Variants in ELMO1 observed in about 807,000 individuals in gnomAD.
ELMO1 encodes the protein engulfment and cell motility protein 1.
Under a neutral mutation model 98.9 loss-of-function variants are expected in ELMO1, and 26 were observed. That is an observed-to-expected ratio of 0.26 (90% CI 0.19 to 0.36). ELMO1 has a LOEUF of 0.36. Among genes scored for constraint, ELMO1 ranks in the 10% least tolerant of loss-of-function variants. The probability of loss-of-function intolerance (pLI) is 1.00; values close to 1 mark genes in which losing one functional copy is unlikely to be tolerated. For missense variants in ELMO1, 627 were observed against 935.2 expected, an observed-to-expected ratio of 0.67 and a Z score of 4.30; for synonymous variants, 346 against 346.0, an observed-to-expected ratio of 1.00 and a Z score of 0.00.
intron 9 of ELMO1, 72 bp downstream of exon 9, chr7:37,224,807 C>T (rs961415822): frequency 1.1e-5 from 17 of 1,564,194 alleles, no homozygotes; most frequent in African/African-American, 4.1e-5. Context: ...CAACATAAAA[C>T]GTTTCCCAGT....
intron 16 of ELMO1, among the ~76,000 whole-genome samples, chr7:36,984,226 C>T (rs376573217): frequency 6.6e-6 from 1 of 152,194 alleles, no homozygotes; most frequent in Non-Finnish European, 1.5e-5. Flanking sequence ...AACATGCACA[C>T]AAGCTCTTCC....
At chr7:37,014,420 CTCTT>C (rs1303056235) in intron 15 of ELMO1, among the ~76,000 whole-genome samples, 2 of 152,048 alleles carry the variant, frequency 1.3e-5, no homozygotes, top group South Asian at 2.1e-4. Context: ...TATTTGGAAT[CTCTT>C]TTTTTAAAAA....
At chr7:37,031,775 G>A (rs1481476976) in intron 15 of ELMO1, among the ~76,000 whole-genome samples, 2 of 152,192 alleles carry the variant, frequency 1.3e-5, no homozygotes, top group Non-Finnish European at 2.9e-5. Flanking sequence ...CTTACCCAAT[G>A]GAGCCGAGTT....
intron 14 of ELMO1, among the ~76,000 whole-genome samples, chr7:37,103,525 G>T (rs1446116257): frequency 1.7e-5 from 2 of 117,392 alleles, no homozygotes; most frequent in African/African-American, 6.4e-5. Flanking sequence ...GTTGTGGGGT[G>T]GGGGGAGGGG....
At chr7:37,142,473 G>C (rs1787705227) in intron 13 of ELMO1, among the ~76,000 whole-genome samples, 1 of 152,200 alleles carries the variant, frequency 6.6e-6, no homozygotes, top group South Asian at 2.1e-4. Flanking sequence ...GCTCAGATGA[G>C]TTTGGAAGCT....
intron 13 of ELMO1, among the ~76,000 whole-genome samples, chr7:37,167,358 T>C (rs1389739886): frequency 6.6e-6 from 1 of 152,098 alleles, no homozygotes; most frequent in Non-Finnish European, 1.5e-5. Flanking sequence ...AATAGTGTTA[T>C]GTGTGAATTT....
intron 8 of ELMO1, among the ~76,000 whole-genome samples, chr7:37,229,503 G>GA (rs1236704404): frequency 2.0e-5 from 3 of 151,694 alleles, no homozygotes; most frequent in South Asian, 2.1e-4. Context: ...GGCTGGCAGG[G>GA]AAAAAAAATA....
intron 13 of ELMO1, among the ~76,000 whole-genome samples, chr7:37,192,345 A>C (rs565332372): frequency 6.6e-6 from 1 of 151,810 alleles, no homozygotes; most frequent in South Asian, 2.1e-4. Context: ...AAATACAAAA[A>C]TTCGCTGGAT....
intron 13 of ELMO1, among the ~76,000 whole-genome samples, chr7:37,155,345 T>G (rs1425221095): frequency 6.6e-6 from 1 of 152,022 alleles, no homozygotes; most frequent in Non-Finnish European, 1.5e-5. Context: ...CTAAACGCCC[T>G]AATTAAAAGA....
chr7:37,188,559 T>C (rs1401192379), intron 13 of ELMO1, among the ~76,000 whole-genome samples: 2 of 149,498 alleles, frequency 1.3e-5, no homozygotes, highest in African/African-American at 2.5e-5. Flanking sequence ...AATAGGGAGA[T>C]AGGAAATGTG....
At chr7:37,198,464 A>T (rs1402418121) in intron 13 of ELMO1, among the ~76,000 whole-genome samples, 1 of 152,248 alleles carries the variant, frequency 6.6e-6, no homozygotes, top group East Asian at 1.9e-4. Context: ...TGTCCATAAC[A>T]AGCCTGGGTG....
At chr7:36,951,590 C>G (rs368298376) in intron 16 of ELMO1, among the ~76,000 whole-genome samples, 1 of 152,112 alleles carries the variant, frequency 6.6e-6, no homozygotes, top group African/African-American at 2.4e-5. Flanking sequence ...TGAAGTGGGT[C>G]TGGGATAGGG....
chr7:37,032,518 C>A (rs555690380), intron 15 of ELMO1, among the ~76,000 whole-genome samples: 80 of 152,248 alleles, frequency 5.3e-4, no homozygotes, highest in South Asian at 4.8e-3. Context: ...GGGCTGGCAC[C>A]CAACGCTGGG....
At chr7:37,287,425 T>C (rs1797448894) in intron 4 of ELMO1, among the ~76,000 whole-genome samples, 1 of 152,170 alleles carries the variant, frequency 6.6e-6, no homozygotes, top group Non-Finnish European at 1.5e-5. Context: ...TGCTGACCCC[T>C]GTATTAAAGC....
intron 16 of ELMO1, among the ~76,000 whole-genome samples, chr7:37,006,517 T>C (rs1288939346): frequency 6.6e-6 from 1 of 152,212 alleles, no homozygotes; most frequent in Non-Finnish European, 1.5e-5. Context: ...TAATTCAGCC[T>C]TGGTTCTTGC....
At chr7:37,232,752 T>C (rs553952928) in intron 8 of ELMO1, among the ~76,000 whole-genome samples, 12 of 152,290 alleles carry the variant, frequency 7.9e-5, no homozygotes, top group African/African-American at 2.9e-4. Context: ...AGGTTGGGGA[T>C]TAAAGGCTCA....
intron 1 of ELMO1, among the ~76,000 whole-genome samples, chr7:37,376,924 C>A (rs2131373592): frequency 1.3e-5 from 2 of 152,316 alleles, no homozygotes; most frequent in African/African-American, 4.8e-5. Flanking sequence ...TAACTCACAG[C>A]ATCCCTTAAT....
chr7:37,228,343 A>G (rs899072926), intron 8 of ELMO1, among the ~76,000 whole-genome samples: 3 of 152,184 alleles, frequency 2.0e-5, no homozygotes, highest in Non-Finnish European at 2.9e-5. Context: ...TGCCTATTTA[A>G]ATTTTCATTT....
chr7:37,120,476 A>G (rs1334391451), intron 14 of ELMO1, among the ~76,000 whole-genome samples: 6 of 152,224 alleles, frequency 3.9e-5, no homozygotes, highest in Non-Finnish European at 5.9e-5. Flanking sequence ...CCAGGAAATC[A>G]TATCCCACGT....
Sources: allele counts gnomAD v4.1 joint callset (sites outside exome capture counted in the v4.1 genomes callset), GRCh38; gene constraint gnomAD v4.1.1; transcripts MANE v1.5; gene names NCBI Gene and HGNC (gene_info 2026-07-23, HGNC 2026-07-21).